The following SPATA13 variants were observed in gnomAD, a reference collection of about 807,000 sequenced individuals.
SPATA13 encodes spermatogenesis associated 13.
A neutral mutation model predicts 104.0 loss-of-function variants in SPATA13; 50 were observed. The ratio of observed to expected loss-of-function variants is 0.48; its 90% CI spans 0.38 to 0.61. The LOEUF is 0.61. Among genes scored for constraint, SPATA13 ranks in the 20% least tolerant of loss-of-function variants. The probability of loss-of-function intolerance (pLI) is 0.00; values close to 1 mark genes in which losing one functional copy is unlikely to be tolerated. For synonymous variants in SPATA13, 606 were observed against 667.5 expected (o/e 0.91, Z 1.42); for missense variants, 1,524 against 1,690.6 (o/e 0.90, Z 1.73).
intron 3 of SPATA13, among the ~76,000 whole-genome samples, chr13:24,042,429 A>G (rs1171006431): frequency 7.9e-6 from 1 of 125,848 alleles, no homozygotes; most frequent in Non-Finnish European, 1.7e-5. Context: ...GCGTGTTCAC[A>G]GTGCTTCTGT....
At chr13:24,130,693 G>C (rs9551066) in intron 3 of SPATA13, among the ~76,000 whole-genome samples, 16,897 of 152,196 alleles carry the variant, frequency 0.11, 1,403 homozygotes, top group East Asian at 0.5. Flanking sequence ...TTTAACGGTG[G>C]TTTAGAAAGA....
intron 1 of SPATA13, among the ~76,000 whole-genome samples, chr13:24,175,532 C>T (rs944022560): frequency 6.6e-6 from 1 of 152,100 alleles, no homozygotes; most frequent in African/African-American, 2.4e-5. Context: ...GCTAAACTTG[C>T]CAGTTAGGGC....
intron 4 of SPATA13, among the ~76,000 whole-genome samples, chr13:24,264,226 A>G (rs549279639): frequency 6.6e-6 from 1 of 152,220 alleles, no homozygotes; most frequent in Non-Finnish European, 1.5e-5. Flanking sequence ...AAAAAGTAAA[A>G]GTTATTGAAA....
chr13:24,161,839 C>A lies in SPATA13; in HGVS notation c.-112+907C>A, dbSNP rs1300075251. ...CCATAGCCTTATATTATGCACCTCCCCCTGCCAGCATTTTCTCTGTCCCCA... is the reference window on the plus strand; with the variant it reads ...CCATAGCCTTATATTATGCACCTCCACCTGCCAGCATTTTCTCTGTCCCCA... On this transcript the variant is annotated intron_variant, in intron 1 of 12. Coordinates refer to ENST00000382108, the MANE Select transcript of SPATA13 (RefSeq NM_001166271.3). The surrounding 1 kb of genome is among the most constrained non-coding windows in gnomAD (Gnocchi z 4.5). Among the ~76,000 whole-genome samples the A allele has an allele frequency of 6.6e-6, 1 of 152,206 alleles. No homozygotes were observed.
At chr13:24,294,261 G>A (rs1366570926) in intron 9 of SPATA13, among the ~76,000 whole-genome samples, 1 of 152,158 alleles carries the variant, frequency 6.6e-6, no homozygotes, top group East Asian at 1.9e-4. Context: ...ACCACTTCAG[G>A]TGCCTGTCCT....
At chr13:24,089,816 A>T (rs7320152) in intron 3 of SPATA13, among the ~76,000 whole-genome samples, 99,996 of 151,972 alleles carry the variant, frequency 0.66, 33,616 homozygotes, top group African/African-American at 0.8. Context: ...GGTTCTCGAG[A>T]TTGGAAGTCC....
At chr13:23,999,647 A>AGC (rs1323330582) in intron 2 of SPATA13, among the ~76,000 whole-genome samples, 11 of 152,192 alleles carry the variant, frequency 7.2e-5, no homozygotes, top group Admixed American at 7.2e-4. Flanking sequence ...CCAGGCAATA[A>AGC]CTGGGGAAGC....
intron 3 of SPATA13, among the ~76,000 whole-genome samples, chr13:24,126,154 C>T (rs1881208590): frequency 6.6e-6 from 1 of 152,226 alleles, no homozygotes; most frequent in South Asian, 2.1e-4. Flanking sequence ...ATTCCACTCA[C>T]TTCTCTGCCC....
At chr13:24,188,309 G>A (rs1869288666) in intron 1 of SPATA13, among the ~76,000 whole-genome samples, 1 of 150,668 alleles carries the variant, frequency 6.6e-6, no homozygotes, top group South Asian at 2.1e-4. Flanking sequence ...TCCAGCCTGG[G>A]CAACAGAGCG....
chr13:24,054,216 A>ACACCCC (rs1335866140), intron 3 of SPATA13, among the ~76,000 whole-genome samples: 2 of 152,206 alleles, frequency 1.3e-5, no homozygotes, highest in Non-Finnish European at 2.9e-5. Context: ...ACCCCACAGC[A>ACACCCC]ACTATGCAGT....
intron 3 of SPATA13, among the ~76,000 whole-genome samples, chr13:24,154,181 C>G (rs966497145): frequency 6.6e-6 from 1 of 152,104 alleles, no homozygotes; most frequent in Non-Finnish European, 1.5e-5. Flanking sequence ...ACCTGATAGT[C>G]TGGCAGTACC....
At chr13:24,100,074 A>AT (rs1225324529) in intron 3 of SPATA13, among the ~76,000 whole-genome samples, 1 of 152,056 alleles carries the variant, frequency 6.6e-6, no homozygotes, top group Non-Finnish European at 1.5e-5. Flanking sequence ...ATAATAACTC[A>AT]TTAAGCTATA....
chr13:24,284,050 G>A, intron 4 of SPATA13, 85 bp from the exon 5 acceptor site: 1 of 1,412,096 alleles, frequency 7.1e-7, no homozygotes, highest in South Asian at 1.3e-5. Flanking sequence ...CTTCCCTTGG[G>A]AGTATGTTAC....
chr13:24,230,552 C>T (rs1318683190), intron 2 of SPATA13, among the ~76,000 whole-genome samples: 1 of 152,194 alleles, frequency 6.6e-6, no homozygotes, highest in African/African-American at 2.4e-5. Flanking sequence ...CTCAGCTCTG[C>T]TGCTTACCAG....
intron 1 of SPATA13, among the ~76,000 whole-genome samples, chr13:24,220,374 T>C (rs1048258505): frequency 3.3e-5 from 5 of 151,910 alleles, no homozygotes; most frequent in African/African-American, 1.2e-4. Flanking sequence ...CTCTTCTGTA[T>C]TCAGTGCGAG....
chr13:24,248,718 C>T (rs11843971), intron 2 of SPATA13, among the ~76,000 whole-genome samples: 2,401 of 152,208 alleles, frequency 0.016, 55 homozygotes, highest in South Asian at 0.074. Flanking sequence ...TGGACTTAGT[C>T]CTCTTAAAGC....
intron 2 of SPATA13, among the ~76,000 whole-genome samples, chr13:23,996,404 T>A (rs1010402065): frequency 9.4e-5 from 6 of 63,962 alleles, no homozygotes; most frequent in African/African-American, 2.4e-4. Context: ...CAGAGTTCAA[T>A]TGGGCAAAAA....
At chr13:24,123,267 A>T in intron 3 of SPATA13, 1 of 1,602,194 alleles carries the variant, frequency 6.2e-7, no homozygotes, top group Middle Eastern at 2.0e-4. Context: ...TTTCACAGGC[A>T]TTTCTCTATC....
At chr13:24,249,864 C>G in intron 3 of SPATA13, 22 bp downstream of exon 3, 1 of 1,561,346 alleles carries the variant, frequency 6.4e-7, no homozygotes, top group Non-Finnish European at 8.7e-7. Context: ...TGTGCACTTC[C>G]CCAAGCCAGC....
Sources: allele counts gnomAD v4.1 joint callset (sites outside exome capture counted in the v4.1 genomes callset), GRCh38; gene constraint gnomAD v4.1.1; non-coding constraint Gnocchi (gnomAD v3.1); transcripts MANE v1.5; gene names NCBI Gene and HGNC (gene_info 2026-07-23, HGNC 2026-07-21).